Variants in PCGF5 observed in about 807,000 individuals in gnomAD.
The protein encoded by PCGF5 is polycomb group ring finger 5, also known as polycomb group RING finger protein 5.
A neutral mutation model predicts 44.3 loss-of-function variants in PCGF5; 9 were observed. The observed-to-expected ratio is 0.20, with a 90% CI of 0.12 to 0.35. PCGF5 has a LOEUF of 0.35. Ranked by LOEUF, PCGF5 falls within the 10% of genes least tolerant of loss-of-function variation. PCGF5 has a pLI of 1.00. For synonymous variants in PCGF5, 95 were observed against 102.5 expected (o/e 0.93, Z 0.44); for missense variants, 146 against 305.3 (o/e 0.48, Z 3.89).
chr10:91,216,696 T>C (rs1331319279), upstream of PCGF5, among the ~76,000 whole-genome samples: 1 of 152,080 alleles, frequency 6.6e-6, no homozygotes, highest in Non-Finnish European at 1.5e-5. Flanking sequence ...TAAGAGACAT[T>C]TAGCAAGGGA....
intron 2 of PCGF5, among the ~76,000 whole-genome samples, chr10:91,235,223 C>G (rs1359391225): frequency 6.6e-6 from 1 of 152,064 alleles, no homozygotes; most frequent in Non-Finnish European, 1.5e-5. Flanking sequence ...TGGGATGGAG[C>G]CTGTGAGTCA....
chr10:91,195,485 TAGAGAG>T lies in PCGF5; in HGVS notation c.-183-27186_-183-27181del, dbSNP rs57633765. On this transcript the variant is annotated intron_variant, in intron 1 of 9. Transcript: ENST00000614189. ...ATATATGCATGCATATATATATATA[TAGAGAG>T]AGAGAGAGAGAGAGAGACGCAGGGT... 4.1e-3 allele frequency among the ~76,000 whole-genome samples: 465 copies of T among 113,538 alleles called. 5 individuals carry two copies. The highest frequency in any genetic ancestry group is 0.032 in the East Asian group (70 of 2,182). 74.5% of individuals were successfully genotyped at this position (113,538 alleles called of 152,430 possible).
At chr10:91,165,876 A>G (rs1482136062) in intron 1 of PCGF5, among the ~76,000 whole-genome samples, 1 of 152,228 alleles carries the variant, frequency 6.6e-6, no homozygotes, top group Non-Finnish European at 1.5e-5. Context: ...CATGTTAATT[A>G]GCCCCAGTCT....
intron 8 of PCGF5, among the ~76,000 whole-genome samples, chr10:91,266,116 T>C (rs540076002): frequency 6.6e-5 from 10 of 152,328 alleles, no homozygotes; most frequent in African/African-American, 2.4e-4. Context: ...TCTTACCCAA[T>C]ACTGTTGAGG....
chr10:91,249,412 T>TAC (rs1564649115), intron 5 of PCGF5, among the ~76,000 whole-genome samples: 3 of 81,528 alleles, frequency 3.7e-5, no homozygotes, highest in African/African-American at 1.1e-4. Flanking sequence ...TATATATATA[T>TAC]ATATATATGT....
chr10:91,247,837 A>G (rs1845507200), intron 3 of PCGF5, among the ~76,000 whole-genome samples: 1 of 152,152 alleles, frequency 6.6e-6, no homozygotes, highest in South Asian at 2.1e-4. Context: ...TTGCTGCATA[A>G]CAGACAACCC....
rs370822277 is a variant in PCGF5, at chr10:91,271,595, A to G, written c.664-43A>G. On this transcript the variant is annotated intron_variant, in intron 8 of 9. Transcript: ENST00000336126. ...AATAATCAATTTTAAATATGTGTCC[A>G]GTTGTGGATGCCTCTTATCTGATGA... is the stretch of plus-strand genomic sequence containing the variant. 1.8e-5 allele frequency: 27 copies of G among 1,502,118 alleles called. No homozygotes were observed. The East Asian group carries it at 3.8e-4, about 21-fold the overall frequency. The allele number at this position is 1,502,118 out of a possible 1,614,324, so 93.0% of individuals were successfully genotyped here.
intron 2 of PCGF5, among the ~76,000 whole-genome samples, chr10:91,225,247 T>TATAC (rs1844792627): frequency 6.8e-6 from 1 of 147,506 alleles, no homozygotes; most frequent in Non-Finnish European, 1.5e-5. Context: ...GTATATATGA[T>TATAC]ATATATCGTA....
At chr10:91,246,614 A>G (rs1845465077) in intron 3 of PCGF5, among the ~76,000 whole-genome samples, 2 of 152,132 alleles carry the variant, frequency 1.3e-5, no homozygotes, top group Non-Finnish European at 1.5e-5. Flanking sequence ...ATGGTAATTA[A>G]TTGAAGGAAT....
chr10:91,156,259 T>C, the PCGF5 span, among the ~76,000 whole-genome samples: 1 of 152,124 alleles, frequency 6.6e-6, no homozygotes, highest in South Asian at 2.1e-4. Flanking sequence ...AATTCATGGG[T>C]ACCTAGAAAG....
intron 1 of PCGF5, among the ~76,000 whole-genome samples, chr10:91,163,678 A>G (rs1003120713): frequency 2.6e-5 from 4 of 152,014 alleles, no homozygotes; most frequent in Non-Finnish European, 4.4e-5. Flanking sequence ...GTTATTATAT[A>G]AGATGTCACG....
intron 6 of PCGF5, among the ~76,000 whole-genome samples, chr10:91,253,460 A>T (rs565468436): frequency 2.0e-5 from 3 of 152,014 alleles, no homozygotes; most frequent in African/African-American, 7.2e-5. Context: ...TTTTAAATAG[A>T]CCAGTTGAGA....
chr10:91,186,594 A>ATG (rs1425332501), intron 1 of PCGF5, among the ~76,000 whole-genome samples: 4 of 110,462 alleles, frequency 3.6e-5, no homozygotes, highest in Non-Finnish European at 7.3e-5. Flanking sequence ...GTGTATATAT[A>ATG]TGTGTATATA....
At chr10:91,185,615 G>A (rs1232473626) in intron 1 of PCGF5, among the ~76,000 whole-genome samples, 3 of 152,220 alleles carry the variant, frequency 2.0e-5, no homozygotes, top group African/African-American at 7.2e-5. Context: ...GAAGCCCAGA[G>A]CTGGATTATG....
At chr10:91,194,299 A>G (rs1335196191) in intron 1 of PCGF5, among the ~76,000 whole-genome samples, 1 of 152,192 alleles carries the variant, frequency 6.6e-6, no homozygotes, top group Non-Finnish European at 1.5e-5. Context: ...CAACCTAGTC[A>G]CAGAAGTCCT....
intron 8 of PCGF5, among the ~76,000 whole-genome samples, chr10:91,269,620 T>C (rs917590754): frequency 6.6e-6 from 1 of 152,184 alleles, no homozygotes; most frequent in Non-Finnish European, 1.5e-5. Context: ...TTCTTAGAAG[T>C]AGATTTTCAG....
intron 9 of PCGF5, among the ~76,000 whole-genome samples, chr10:91,274,037 C>G (rs551208214): frequency 6.6e-6 from 1 of 151,970 alleles, no homozygotes; most frequent in South Asian, 2.1e-4. Flanking sequence ...CTAGATTCAT[C>G]AATTAACATT....
chr10:91,159,919 G>A (rs536072725), upstream of PCGF5, among the ~76,000 whole-genome samples: 32 of 152,212 alleles, frequency 2.1e-4, no homozygotes, highest in Middle Eastern at 0.01. Context: ...AACTGGACAC[G>A]TTGCACCAAA....
At chr10:91,195,051 A>T (rs1844102603) in intron 1 of PCGF5, among the ~76,000 whole-genome samples, 1 of 152,202 alleles carries the variant, frequency 6.6e-6, no homozygotes, top group African/African-American at 2.4e-5. Flanking sequence ...CAGTTTTCTC[A>T]GTGGAATAGG....
Sources: allele counts gnomAD v4.1 joint callset (sites outside exome capture counted in the v4.1 genomes callset), GRCh38; gene constraint gnomAD v4.1.1; transcripts MANE v1.5; gene names NCBI Gene and HGNC (gene_info 2026-07-23, HGNC 2026-07-21).